The following ESCO1 variants were observed in gnomAD, a reference collection of about 807,000 sequenced individuals.
The protein encoded by ESCO1 is establishment of sister chromatid cohesion N-acetyltransferase 1.
Under a neutral mutation model 83.5 loss-of-function variants are expected in ESCO1, and 33 were observed. That is an observed-to-expected ratio of 0.40 (90% CI 0.30 to 0.53). The LOEUF is 0.53. Ranked by LOEUF, ESCO1 falls within the 20% of genes least tolerant of loss-of-function variation. The pLI, the probability that ESCO1 is intolerant of heterozygous loss-of-function variation, is 0.63. For synonymous variants in ESCO1, 332 were observed against 324.3 expected, an observed-to-expected ratio of 1.02 and a Z score of -0.25; for missense variants, 855 against 968.0, an observed-to-expected ratio of 0.88 and a Z score of 1.55.
At chr18:21,554,852 G>A (rs2038092363) in intron 8 of ESCO1, among the ~76,000 whole-genome samples, 1 of 152,096 alleles carries the variant, frequency 6.6e-6, no homozygotes, top group Non-Finnish European at 1.5e-5. Flanking sequence ...AGGTTTCAGT[G>A]AGCAGAGATC....
At chr18:21,544,685 T>C (rs1280336792) in intron 8 of ESCO1, among the ~76,000 whole-genome samples, 4 of 151,928 alleles carry the variant, frequency 2.6e-5, no homozygotes, top group African/African-American at 9.7e-5. Context: ...AATAACATGA[T>C]GCCTAAGTTT....
intron 7 of ESCO1, among the ~76,000 whole-genome samples, chr18:21,563,900 C>T (rs1172943187): frequency 2.1e-5 from 3 of 146,304 alleles, no homozygotes; most frequent in Non-Finnish European, 3.0e-5. Context: ...AAATGCCCTC[C>T]TGCTGGGGTG....
At chr18:21,591,952 C>T (rs1371768507) in intron 1 of ESCO1, among the ~76,000 whole-genome samples, 27 of 151,222 alleles carry the variant, frequency 1.8e-4, no homozygotes, top group African/African-American at 6.1e-4. Flanking sequence ...CCTGAGTGGA[C>T]ACAGCACATG....
chr18:21,535,999 C>T (rs2146168943), intron 10 of ESCO1, 43 bp downstream of exon 10: 1 of 1,600,114 alleles, frequency 6.2e-7, no homozygotes, highest in South Asian at 1.1e-5. Flanking sequence ...GTTGTAAACT[C>T]ATTAAACACC....
rs1158794414 is a variant in ESCO1 at position 21,574,898 on chromosome 18, G to A, written c.-55C>T. On this transcript the variant is annotated 5_prime_UTR_variant, in exon 4 of 12. Transcript: ENST00000269214. ...GTTTTGAAGAGGATTTTTGTGTCCT[G>A]GTAGGCGTGAATGCTGACTAGCTAG... 6 of 1,400,102 alleles carry A rather than the reference G, an allele frequency of 4.3e-6. No homozygotes were observed. In the East Asian group the frequency reaches 1.2e-4, roughly 27 times the overall value. 86.7% of individuals were successfully genotyped at this position (1,400,102 alleles called of 1,614,324 possible).
At chr18:21,557,850 C>G (rs1385895105) in intron 8 of ESCO1, among the ~76,000 whole-genome samples, 1 of 152,126 alleles carries the variant, frequency 6.6e-6, no homozygotes, top group Admixed American at 6.5e-5. Context: ...CTCTTCACAT[C>G]TTTAGGGAAC....
At chr18:21,592,493 T>A (rs1183763748) in intron 1 of ESCO1, among the ~76,000 whole-genome samples, 8 of 116,294 alleles carry the variant, frequency 6.9e-5, no homozygotes, top group East Asian at 3.1e-4. Context: ...CACTTCCCAG[T>A]AGGGGCGGCC....
chr18:21,575,803 T>G (rs1598472065), intron 2 of ESCO1, 26 bp from the exon 3 acceptor site: 1 of 397,646 alleles, frequency 2.5e-6, no homozygotes, highest in Admixed American at 4.4e-5. Context: ...TTTTTTTTAA[T>G]GTTCAAAAGG....
intron 1 of ESCO1, among the ~76,000 whole-genome samples, chr18:21,596,332 T>G (rs2038766534): frequency 6.6e-6 from 1 of 152,144 alleles, no homozygotes; most frequent in Non-Finnish European, 1.5e-5. Context: ...ACCAAAAAGT[T>G]TGAGAAACAC....
intron 8 of ESCO1, among the ~76,000 whole-genome samples, chr18:21,544,089 C>T (rs1282612403): frequency 5.3e-5 from 8 of 152,024 alleles, no homozygotes; most frequent in African/African-American, 9.6e-5. Flanking sequence ...CTGGCTAACA[C>T]GGTGAAACCC....
intron 2 of ESCO1, among the ~76,000 whole-genome samples, chr18:21,581,838 C>A (rs1041388055): frequency 6.7e-6 from 1 of 149,950 alleles, no homozygotes; most frequent in African/African-American, 2.5e-5. Flanking sequence ...GTCAACATAG[C>A]AAGATTCCAT....
chr18:21,572,964 CA>C (rs11395206), intron 4 of ESCO1, among the ~76,000 whole-genome samples: 185 of 131,294 alleles, frequency 1.4e-3, no homozygotes, highest in Non-Finnish European at 1.6e-3. Flanking sequence ...AACTCCATCT[CA>C]AAAAAAAAAA....
At chr18:21,536,760 G>A (rs1449708473) in intron 9 of ESCO1, among the ~76,000 whole-genome samples, 3 of 151,996 alleles carry the variant, frequency 2.0e-5, no homozygotes, top group African/African-American at 7.2e-5. Context: ...AGATTATTAG[G>A]AACATTAAGA....
At chr18:21,569,885 T>C (rs1309357053) in intron 4 of ESCO1, among the ~76,000 whole-genome samples, 1 of 152,080 alleles carries the variant, frequency 6.6e-6, no homozygotes, top group Non-Finnish European at 1.5e-5. Flanking sequence ...CCATCAACAG[T>C]GGCTATCTCA....
chr18:21,539,336 A>G (rs1002286449), intron 9 of ESCO1, among the ~76,000 whole-genome samples: 1 of 152,176 alleles, frequency 6.6e-6, no homozygotes, highest in Non-Finnish European at 1.5e-5. Flanking sequence ...ACAGAAGATA[A>G]GCATATCTAC....
Position 21,568,102 on chromosome 18 carries a change from C to A in ESCO1, c.1531-8G>T. ...CAAACATTGGCTGAAATTCTGAACA[C>A]ATATAATTCAAAATTTTTACATCAA... On this transcript the variant is annotated splice_region_variant and splice_polypyrimidine_tract_variant and intron_variant, in intron 4 of 11. Coordinates refer to ENST00000269214, the MANE Select transcript of ESCO1 (RefSeq NM_052911.3). The A allele has an allele frequency of 6.3e-7, 1 of 1,591,620 alleles. No individual in the cohort carries two copies.
chr18:21,589,421 T>G (rs920362041), intron 1 of ESCO1, among the ~76,000 whole-genome samples: 1 of 152,004 alleles, frequency 6.6e-6, no homozygotes, highest in African/African-American at 2.4e-5. Context: ...TTCTTTGTTA[T>G]TTATTTATTT....
Position 21,530,415 on chromosome 18 carries a change from C to T in ESCO1, c.2451G>A (p.Leu817=). 1 of 1,607,198 alleles carries T rather than the reference C, an allele frequency of 6.2e-7. No individual in the cohort carries two copies. Among genetic ancestry groups the T allele is most frequent in the South Asian group, 1.1e-5 (1 of 90,700 alleles). Reference sequence around the variant, plus strand: ...CAGTGCCACAGTACTGTGTTGCAAACAGCTTTCCATCAGGAGTGGGATCTG... The same window carrying T: ...CAGTGCCACAGTACTGTGTTGCAAATAGCTTTCCATCAGGAGTGGGATCTG... ...AFSDPTPDGK[L]FATQYCGTGQ... is the part of the protein sequence containing the mutation. The change falls in exon 12 of 12, where the codon CTG becomes CTA. Residue 817 remains leucine (L), a synonymous_variant. Transcript: ENST00000269214.
chr18:21,543,716 T>A (rs901865705), intron 8 of ESCO1, among the ~76,000 whole-genome samples: 2 of 151,882 alleles, frequency 1.3e-5, no homozygotes, highest in Non-Finnish European at 2.9e-5. Context: ...TTTGAAGAAA[T>A]AAAACCAACA....
Sources: gnomAD v4.1 joint callset for allele counts (sites outside exome capture counted in the v4.1 genomes callset) on GRCh38, gnomAD v4.1.1 for gene constraint, MANE v1.5 for transcripts, NCBI Gene and HGNC (gene_info 2026-07-23, HGNC 2026-07-21) for gene names.